The following MAF variants were observed in gnomAD, a reference collection of about 807,000 sequenced individuals.
The protein encoded by MAF is transcription factor Maf.
MAF carries 10 observed loss-of-function variants against 22.0 expected under a neutral mutation model. That is an observed-to-expected ratio of 0.45 (90% confidence interval 0.28 to 0.77). MAF has a LOEUF of 0.77. Ranked by LOEUF, MAF falls within the 30% of genes least tolerant of loss-of-function variation. The probability of loss-of-function intolerance (pLI) is 0.12; values close to 1 mark genes in which losing one functional copy is unlikely to be tolerated. For synonymous variants in MAF, 337 were observed against 255.8 expected, an observed-to-expected ratio of 1.32 and a Z score of -3.03; for missense variants, 544 against 548.4, an observed-to-expected ratio of 0.99 and a Z score of 0.08.
chr16:79,595,673 T>C, intron 1 of MAF: 1 of 1,057,598 alleles, frequency 9.5e-7, no homozygotes, highest in Non-Finnish European at 1.1e-6. Context: ...ACACAGCCTA[T>C]TTTGGGGTAA....
the MAF span, among the ~76,000 whole-genome samples, chr16:79,408,535 G>A: frequency 6.6e-6 from 1 of 152,250 alleles, no homozygotes; most frequent in African/African-American, 2.4e-5. Context: ...TAAGTTCGCT[G>A]CACCTCAGTT....
the MAF span, among the ~76,000 whole-genome samples, chr16:79,271,724 G>A: frequency 5.3e-4 from 81 of 152,332 alleles, no homozygotes; most frequent in Middle Eastern, 3.4e-3. Context: ...TGGAGCATGT[G>A]ATGTCTCTGA....
chr16:79,563,788 G>C, the MAF span, among the ~76,000 whole-genome samples: 1 of 151,872 alleles, frequency 6.6e-6, no homozygotes, highest in South Asian at 2.1e-4. Context: ...TGACCACTGA[G>C]ATGTTCTCAG....
At chr16:79,374,006 G>A in the MAF span, among the ~76,000 whole-genome samples, 1 of 152,168 alleles carries the variant, frequency 6.6e-6, no homozygotes, top group Non-Finnish European at 1.5e-5. Flanking sequence ...GATCCTGAGA[G>A]TTGGGGTGAT....
chr16:79,427,234 G>A, the MAF span, among the ~76,000 whole-genome samples: 1 of 152,178 alleles, frequency 6.6e-6, no homozygotes, highest in Non-Finnish European at 1.5e-5. Flanking sequence ...CACAATCAAT[G>A]ATCCAGAGGC....
chr16:79,564,426 G>T, the MAF span, among the ~76,000 whole-genome samples: 4 of 152,212 alleles, frequency 2.6e-5, no homozygotes, highest in Admixed American at 6.5e-5. Flanking sequence ...GGGACCCAGA[G>T]ATAGGCAAGG....
At chr16:79,361,047 C>T in the MAF span, among the ~76,000 whole-genome samples, 1 of 152,214 alleles carries the variant, frequency 6.6e-6, no homozygotes, top group Non-Finnish European at 1.5e-5. Flanking sequence ...TTCCAGCACA[C>T]ACTATTCCTT....
chr16:79,351,367 A>T, the MAF span, among the ~76,000 whole-genome samples: 129 of 152,264 alleles, frequency 8.5e-4, no homozygotes, highest in African/African-American at 3.0e-3. Context: ...TTCTCAGCAC[A>T]TCTGAACGTG....
At chr16:79,218,738 T>C in the MAF span, among the ~76,000 whole-genome samples, 1 of 152,356 alleles carries the variant, frequency 6.6e-6, no homozygotes, top group South Asian at 2.1e-4. Flanking sequence ...ACATGTTTAA[T>C]TAGAGTGGAA....
the MAF span, among the ~76,000 whole-genome samples, chr16:79,221,205 C>T: frequency 1.0e-3 from 155 of 152,210 alleles, no homozygotes; most frequent in Admixed American, 3.5e-3. Context: ...AACTTGGTTC[C>T]GGGGAATTTT....
the MAF span, among the ~76,000 whole-genome samples, chr16:79,497,554 G>T: frequency 6.6e-6 from 1 of 152,210 alleles, no homozygotes; most frequent in African/African-American, 2.4e-5. Flanking sequence ...ACTCTGCCAG[G>T]AGGAAGGGAT....
the MAF span, among the ~76,000 whole-genome samples, chr16:79,510,840 A>G: frequency 1.3e-5 from 2 of 152,230 alleles, no homozygotes; most frequent in East Asian, 3.9e-4. Flanking sequence ...GAAGGTCACC[A>G]CTGTCCAAGT....
chr16:79,581,651 G>C (rs77652633), downstream of MAF, among the ~76,000 whole-genome samples: 2 of 150,996 alleles, frequency 1.3e-5, no homozygotes, highest in African/African-American at 4.8e-5. Flanking sequence ...GGACTAAAAA[G>C]AAATCGTCAC....
chr16:79,578,194 T>C, the MAF span, among the ~76,000 whole-genome samples: 1 of 152,224 alleles, frequency 6.6e-6, no homozygotes, highest in Non-Finnish European at 1.5e-5. Flanking sequence ...GCTAAACATG[T>C]TATTGTATAC....
the MAF span, among the ~76,000 whole-genome samples, chr16:79,403,597 G>T: frequency 1.3e-5 from 2 of 152,150 alleles, no homozygotes; most frequent in African/African-American, 4.8e-5. Flanking sequence ...TTCAAGCTCT[G>T]CCAGGGGCCT....
chr16:79,300,492 T>G, the MAF span, among the ~76,000 whole-genome samples: 1 of 151,336 alleles, frequency 6.6e-6, no homozygotes, highest in Non-Finnish European at 1.5e-5. Context: ...GAGGTGGAGG[T>G]TGCAGTGAGT....
At chr16:79,411,742 C>G in the MAF span, among the ~76,000 whole-genome samples, 1 of 152,356 alleles carries the variant, frequency 6.6e-6, no homozygotes, top group Non-Finnish European at 1.5e-5. Flanking sequence ...CTCCCCCAGG[C>G]TTTTCCTCTT....
the MAF span, among the ~76,000 whole-genome samples, chr16:79,526,705 A>G: frequency 6.6e-6 from 1 of 152,192 alleles, no homozygotes; most frequent in Non-Finnish European, 1.5e-5. Flanking sequence ...GTAAGGGGTA[A>G]CCCTGATCCG....
the MAF span, among the ~76,000 whole-genome samples, chr16:79,367,729 G>A: frequency 8.5e-5 from 13 of 152,286 alleles, no homozygotes; most frequent in Non-Finnish European, 1.3e-4. Flanking sequence ...TAAATTTCAC[G>A]TAAGTACCCA....
Sources: gnomAD v4.1 joint callset for allele counts (sites outside exome capture counted in the v4.1 genomes callset) on GRCh38, gnomAD v4.1.1 for gene constraint, MANE v1.5 for transcripts, NCBI Gene and HGNC (gene_info 2026-07-23, HGNC 2026-07-21) for gene names.